The following TXNDC16 variants were observed in gnomAD, a reference collection of about 807,000 sequenced individuals.
TXNDC16 encodes the protein thioredoxin domain containing 16, also known as thioredoxin domain-containing protein 16.
A neutral mutation model predicts 85.6 loss-of-function variants in TXNDC16; 74 were observed. The ratio of observed to expected loss-of-function variants is 0.86; its 90% CI spans 0.72 to 1.05. TXNDC16 has a LOEUF of 1.05. Ranked by LOEUF, TXNDC16 falls within the 50% of genes least tolerant of loss-of-function variation. The pLI is 0.00. For synonymous variants in TXNDC16, 335 were observed against 326.5 expected (o/e 1.03, Z -0.28); for missense variants, 959 against 947.0 (o/e 1.01, Z -0.17).
intron 6 of TXNDC16, among the ~76,000 whole-genome samples, chr14:52,532,861 T>C (rs2037615586): frequency 6.6e-6 from 1 of 152,210 alleles, no homozygotes; most frequent in African/African-American, 2.4e-5. Flanking sequence ...AGATAGGTTG[T>C]TCCTCATGGC....
At position 52,484,201 on chromosome 14, in the gene TXNDC16, G is replaced by GA. The variant is rs1024404203; in HGVS notation, c.1109-1237_1109-1236insT. Among the ~76,000 whole-genome samples, 6 of 150,872 alleles carry GA rather than the reference G, an allele frequency of 4.0e-5. No individual in the cohort carries two copies. The South Asian group carries it at 1.3e-3, about 32-fold the overall frequency. ...TTGGATTTGCTACAAAACAATAAGG[G>GA]GGGGGGGTGATTGGAGCAGAATGAG... On this transcript the variant is annotated intron_variant, in intron 12 of 20. Transcript: ENST00000281741.
chr14:52,537,026 T>C (rs1453638552), intron 5 of TXNDC16, among the ~76,000 whole-genome samples: 4 of 150,598 alleles, frequency 2.7e-5, no homozygotes, highest in African/African-American at 9.8e-5. Flanking sequence ...TAGAAAAAAA[T>C]AGGAGTCCAA....
At chr14:52,544,528 C>T (rs2037901305) in intron 1 of TXNDC16, among the ~76,000 whole-genome samples, 157 bp from the exon 2 acceptor site, 1 of 151,858 alleles carries the variant, frequency 6.6e-6, no homozygotes, top group African/African-American at 2.4e-5. Context: ...TAGGAAAAAA[C>T]AGCAATAGAT....
At chr14:52,474,661 C>G (rs1594709240) in intron 14 of TXNDC16, among the ~76,000 whole-genome samples, 4 of 151,296 alleles carry the variant, frequency 2.6e-5, no homozygotes, top group Admixed American at 1.3e-4. Flanking sequence ...ACCCAGGAGG[C>G]GGAGGTTGCA....
chr14:52,497,061 A>T (rs1256562596), intron 9 of TXNDC16, among the ~76,000 whole-genome samples: 1 of 152,114 alleles, frequency 6.6e-6, no homozygotes, highest in Non-Finnish European at 1.5e-5. Flanking sequence ...GTAGATATAA[A>T]AGTGACAGAA....
chr14:52,470,150 T>C lies in TXNDC16; in HGVS notation c.1505A>G (p.Asn502Ser), dbSNP rs1404623035. The change falls in exon 16 of 21, where the codon AAT (asparagine) becomes AGT (serine). Residue 502 changes from asparagine (N) to serine (S), a missense_variant. Asn to Ser is a conservative substitution (Grantham distance 46). Coordinates refer to ENST00000281741, the MANE Select transcript of TXNDC16 (RefSeq NM_020784.3). ...TTCTGCTTCTTGGATCGATGTTATA[T>C]TCACTGGATATGAAATCCTGTTGCT... ...IQLNRISYPVNITSIQEAEEY... is the reference protein window; with the variant it reads ...IQLNRISYPVSITSIQEAEEY... 6.2e-7 allele frequency: 1 copy of C among 1,605,450 alleles called. No homozygotes were observed. Among genetic ancestry groups the C allele is most frequent in the South Asian group, 1.1e-5 (1 of 89,248 alleles).
chr14:52,549,040 ATTAC>A (rs1244842553), intron 1 of TXNDC16, among the ~76,000 whole-genome samples: 2 of 152,194 alleles, frequency 1.3e-5, no homozygotes, highest in Non-Finnish European at 2.9e-5. Flanking sequence ...GCAATTGACT[ATTAC>A]CACAAAAGAT....
Position 52,544,263 on chromosome 14 carries a change from C to A in TXNDC16, c.-74+1G>T, listed in dbSNP as rs1039633093. Reference sequence around the variant, plus strand: ...CTTATCTTCTTTCTTGGCGTACTTACTTCCATGCTGTCCTCTGTATCTGCT... The same window carrying A: ...CTTATCTTCTTTCTTGGCGTACTTAATTCCATGCTGTCCTCTGTATCTGCT... On this transcript the variant is annotated splice_donor_variant, in intron 2 of 20. Transcript: ENST00000281741. LOFTEE classifies it low-confidence loss of function (5UTR_SPLICE). 2.0e-5 allele frequency: 3 copies of A among 152,090 alleles called. No homozygotes were observed. Among genetic ancestry groups the A allele is most frequent in the Non-Finnish European group, 4.4e-5 (3 of 67,972 alleles). 9.4% of individuals were successfully genotyped at this position (152,090 alleles called of 1,614,324 possible). A position where few individuals can be genotyped will look rare whatever the true frequency, so the allele number is the denominator to read the frequency against.
intron 10 of TXNDC16, 83 bp downstream of exon 10, chr14:52,490,756 T>A (rs2036381144): frequency 2.8e-6 from 4 of 1,444,046 alleles, no homozygotes; most frequent in Admixed American, 4.4e-5. Context: ...AGTTTACTTA[T>A]AAGTGATTAA....
chr14:52,487,723 G>T (rs1418871047), intron 12 of TXNDC16, among the ~76,000 whole-genome samples: 5 of 152,172 alleles, frequency 3.3e-5, no homozygotes, highest in Non-Finnish European at 5.9e-5. Context: ...CCTGCTACTT[G>T]TGGGACTTTG....
intron 6 of TXNDC16, among the ~76,000 whole-genome samples, chr14:52,529,278 G>A (rs1262744765): frequency 6.7e-6 from 1 of 148,272 alleles, no homozygotes; most frequent in Admixed American, 6.8e-5. Flanking sequence ...ATTGAACAAT[G>A]AGAACATATG....
At chr14:52,490,811 T>C (rs1438864028) in intron 10 of TXNDC16, 28 bp downstream of exon 10, 1 of 1,593,674 alleles carries the variant, frequency 6.3e-7, no homozygotes, top group African/African-American at 1.4e-5. Context: ...TTTTGCTAAA[T>C]ATAGTAAATA....
intron 15 of TXNDC16, 105 bp downstream of exon 15, chr14:52,470,407 T>C: frequency 7.8e-7 from 1 of 1,279,562 alleles, no homozygotes. Context: ...GTGATCTCAA[T>C]TCTAGTATCT....
At chr14:52,453,223 C>G (rs2140113120) in intron 18 of TXNDC16, among the ~76,000 whole-genome samples, 1 of 152,230 alleles carries the variant, frequency 6.6e-6, no homozygotes, top group South Asian at 2.1e-4. Flanking sequence ...CTCGTATACT[C>G]TCAGTGGGAA....
At chr14:52,462,771 G>A in intron 16 of TXNDC16, 7 of 369,316 alleles carry the variant, frequency 1.9e-5, no homozygotes, top group South Asian at 1.5e-4. Flanking sequence ...CTAAAGTGTA[G>A]CATTTTTCAT....
chr14:52,546,812 A>G (rs1055927383), intron 1 of TXNDC16, among the ~76,000 whole-genome samples: 5 of 152,242 alleles, frequency 3.3e-5, no homozygotes, highest in African/African-American at 1.2e-4. Flanking sequence ...ACTCCAAAAC[A>G]CTGGCTGGGG....
In TXNDC16 at chr14:52,432,591, G is replaced by C; in HGVS notation, c.2195-4C>G. 4 of 1,596,856 alleles carry C rather than the reference G, an allele frequency of 2.5e-6. No individual in the cohort carries two copies. The highest frequency in any genetic ancestry group is 1.7e-4 in the Middle Eastern group (1 of 5,818). Reference sequence around the variant, plus strand: ...CATTCTTGAGCAGGTAAAATTGCTGGAAGGAAGAAACAATCAAAGGTTAAA... The same window carrying C: ...CATTCTTGAGCAGGTAAAATTGCTGCAAGGAAGAAACAATCAAAGGTTAAA... On this transcript the variant is annotated splice_polypyrimidine_tract_variant and splice_region_variant and intron_variant, in intron 20 of 20. Transcript: ENST00000281741.
At chr14:52,525,675 G>A (rs1250161049) in intron 6 of TXNDC16, among the ~76,000 whole-genome samples, 2 of 149,836 alleles carry the variant, frequency 1.3e-5, no homozygotes, top group Non-Finnish European at 3.0e-5. Flanking sequence ...TCCAGGCTGG[G>A]CGACAGAGTG....
intron 7 of TXNDC16, among the ~76,000 whole-genome samples, chr14:52,517,073 TCCCC>T (rs1263849510): frequency 6.6e-6 from 1 of 151,818 alleles, no homozygotes; most frequent in Non-Finnish European, 1.5e-5. Context: ...ATTTCCCTCC[TCCCC>T]CACACAAACA....
Sources: gnomAD v4.1 joint callset for allele counts (sites outside exome capture counted in the v4.1 genomes callset) on GRCh38, gnomAD v4.1.1 for gene constraint, MANE v1.5 for transcripts, NCBI Gene and HGNC (gene_info 2026-07-23, HGNC 2026-07-21) for gene names.